Variants in KLRG1 observed in about 807,000 individuals in gnomAD.
KLRG1 encodes the protein killer cell lectin-like receptor subfamily G member 1.
Under a neutral mutation model 21.8 loss-of-function variants are expected in KLRG1, and 16 were observed. The ratio of observed to expected loss-of-function variants is 0.73; its 90% CI spans 0.50 to 1.11. The LOEUF (loss-of-function observed/expected upper bound fraction) is 1.11, where lower values mean the gene tolerates loss of function less well. Among genes scored for constraint, KLRG1 ranks in the 50% most tolerant of loss-of-function variants. The probability of loss-of-function intolerance (pLI) is 0.00; values close to 1 mark genes in which losing one functional copy is unlikely to be tolerated. For missense variants in KLRG1, 173 were observed against 218.3 expected, an observed-to-expected ratio of 0.79 and a Z score of 1.31; for synonymous variants, 69 against 75.9, an observed-to-expected ratio of 0.91 and a Z score of 0.47.
At chr12:9,129,652 A>G in the KLRG1 span, among the ~76,000 whole-genome samples, 7 of 151,988 alleles carry the variant, frequency 4.6e-5, no homozygotes, top group Non-Finnish European at 1.0e-4. Flanking sequence ...GCTCACTGCA[A>G]ACTCCGCCTC....
the KLRG1 span, among the ~76,000 whole-genome samples, chr12:9,146,572 C>G: frequency 6.6e-6 from 1 of 152,084 alleles, no homozygotes; most frequent in African/African-American, 2.4e-5. Flanking sequence ...TTTTCTTTGA[C>G]TCTCTGTGTT....
downstream of KLRG1, chr12:9,010,844 T>A (rs1477414685): frequency 6.6e-6 from 1 of 152,166 alleles, no homozygotes; most frequent in Non-Finnish European, 1.5e-5. Flanking sequence ...CCTCCCTAAC[T>A]CACCAATATG....
At chr12:9,115,901 C>CA in the KLRG1 span, 1 of 1,454,948 alleles carries the variant, frequency 6.9e-7, no homozygotes, top group East Asian at 2.3e-5. Context: ...ACCCTACTCC[C>CA]TACAATCCAT....
intron 1 of KLRG1, among the ~76,000 whole-genome samples, chr12:8,973,573 A>G (rs908300262): frequency 2.0e-5 from 3 of 152,216 alleles, no homozygotes; most frequent in African/African-American, 4.8e-5. Context: ...GGACTTCCAG[A>G]GAATATGACA....
the KLRG1 span, chr12:9,089,334 G>A: frequency 9.6e-4 from 945 of 983,234 alleles, 3 homozygotes; most frequent in Admixed American, 2.5e-3. Context: ...CAGATATTTG[G>A]ATAGTGAAGA....
the KLRG1 span, chr12:9,201,223 G>T: frequency 7.5e-7 from 1 of 1,334,408 alleles, no homozygotes; most frequent in Non-Finnish European, 1.0e-6. Flanking sequence ...GAGGAATTCA[G>T]ATCTGAAAAT....
intron 3 of KLRG1, among the ~76,000 whole-genome samples, chr12:8,996,216 A>G (rs2137359977): frequency 6.6e-6 from 1 of 152,218 alleles, no homozygotes; most frequent in African/African-American, 2.4e-5. Flanking sequence ...GATCCTTCCT[A>G]TCCACCCAGC....
At chr12:9,104,425 G>A in the KLRG1 span, 1 of 1,561,128 alleles carries the variant, frequency 6.4e-7, no homozygotes, top group Admixed American at 1.9e-5. Flanking sequence ...CTGTGGATTA[G>A]TTATATTGGT....
chr12:9,210,713 A>G, the KLRG1 span, among the ~76,000 whole-genome samples: 1 of 152,108 alleles, frequency 6.6e-6, no homozygotes, highest in South Asian at 2.1e-4. Flanking sequence ...GTGTATTTTT[A>G]TTTTATATAA....
the KLRG1 span, chr12:9,208,140 T>TTA: frequency 1.5e-6 from 1 of 681,968 alleles, no homozygotes; most frequent in Non-Finnish European, 2.6e-6. Flanking sequence ...GAATAATTTC[T>TTA]TATATTTGGA....
chr12:9,098,852 A>C, the KLRG1 span: 1 of 1,399,852 alleles, frequency 7.1e-7, no homozygotes, highest in Non-Finnish European at 9.7e-7. Flanking sequence ...ACAATGTATA[A>C]CCACTCTGCT....
the KLRG1 span, among the ~76,000 whole-genome samples, chr12:9,197,848 T>A: frequency 3.5e-5 from 4 of 115,430 alleles, no homozygotes; most frequent in South Asian, 2.3e-4. Context: ...ATATAATATA[T>A]AATATTAATT....
At chr12:9,043,963 G>C in the KLRG1 span, among the ~76,000 whole-genome samples, 2 of 152,202 alleles carry the variant, frequency 1.3e-5, no homozygotes, top group Non-Finnish European at 2.9e-5. Context: ...GAGTCTCCAC[G>C]TGACTCCAAT....
At chr12:9,113,387 A>G in the KLRG1 span, 2 of 1,613,438 alleles carry the variant, frequency 1.2e-6, no homozygotes, top group Non-Finnish European at 1.7e-6. Flanking sequence ...GGAGTACGTC[A>G]TTCTCCGCCT....
chr12:9,155,203 CAT>C, the KLRG1 span, among the ~76,000 whole-genome samples: 700 of 152,332 alleles, frequency 4.6e-3, 5 homozygotes, highest in African/African-American at 0.016. Flanking sequence ...CTATTGACCT[CAT>C]GTGACTTTTG....
the KLRG1 span, chr12:9,095,741 ACTT>A: frequency 8.9e-5 from 39 of 436,982 alleles, no homozygotes; most frequent in Non-Finnish European, 1.3e-4. Flanking sequence ...CTTATTTGTG[ACTT>A]TTTTTTTTTT....
chr12:8,960,969 A>C (rs1384461561), intron 1 of KLRG1, among the ~76,000 whole-genome samples: 1 of 152,226 alleles, frequency 6.6e-6, no homozygotes, highest in Non-Finnish European at 1.5e-5. Context: ...TACCCTGATT[A>C]TCAAAGATAC....
intron 3 of KLRG1, among the ~76,000 whole-genome samples, chr12:9,004,749 G>A (rs1947417498): frequency 6.6e-6 from 1 of 152,240 alleles, no homozygotes; most frequent in South Asian, 2.1e-4. Context: ...CCAAATTGCT[G>A]GTATTACAGG....
chr12:9,192,198 C>T, the KLRG1 span: 1 of 1,613,502 alleles, frequency 6.2e-7, no homozygotes, highest in East Asian at 2.2e-5. Context: ...CTCACTGTCT[C>T]CTGACTCCAC....
Sources: allele counts gnomAD v4.1 joint callset (sites outside exome capture counted in the v4.1 genomes callset), GRCh38; gene constraint gnomAD v4.1.1; transcripts MANE v1.5; gene names NCBI Gene and HGNC (gene_info 2026-07-23, HGNC 2026-07-21).